BBS9: variants seen among roughly 807,000 people sequenced by gnomAD.
BBS9 encodes the protein Bardet-Biedl syndrome 9.
BBS9 carries 89 observed loss-of-function variants against 117.7 expected under a neutral mutation model. The observed-to-expected ratio is 0.76, with a 90% CI of 0.64 to 0.90. BBS9 has a LOEUF of 0.90. Ranked by LOEUF, BBS9 falls within the 40% of genes least tolerant of loss-of-function variation. The probability of loss-of-function intolerance (pLI) is 0.00; values close to 1 mark genes in which losing one functional copy is unlikely to be tolerated. For missense variants in BBS9, 982 were observed against 1,042.2 expected, an observed-to-expected ratio of 0.94 and a Z score of 0.80; for synonymous variants, 379 against 370.9, an observed-to-expected ratio of 1.02 and a Z score of -0.25.
At chr7:33,303,579 C>T (rs1429969903) in intron 9 of BBS9, among the ~76,000 whole-genome samples, 6 of 133,808 alleles carry the variant, frequency 4.5e-5, no homozygotes, top group East Asian at 2.3e-4. Context: ...ACTGTACTGC[C>T]GTGATCTCGG....
chr7:33,381,435 C>T (rs12672496), intron 17 of BBS9, among the ~76,000 whole-genome samples: 4,308 of 152,132 alleles, frequency 0.028, 242 homozygotes, highest in East Asian at 0.27. Context: ...CACTGAGTTA[C>T]GTAAATGAAT....
intron 19 of BBS9, among the ~76,000 whole-genome samples, chr7:33,471,061 A>G (rs1840953762): frequency 6.6e-6 from 1 of 152,220 alleles, no homozygotes; most frequent in Non-Finnish European, 1.5e-5. Flanking sequence ...ATAATCTGAC[A>G]CTTTTAGCTG....
At chr7:33,465,761 C>G (rs1260135786) in intron 19 of BBS9, among the ~76,000 whole-genome samples, 1 of 152,130 alleles carries the variant, frequency 6.6e-6, no homozygotes, top group African/African-American at 2.4e-5. Flanking sequence ...TTACTTAGAA[C>G]AGTGCATGGC....
At position 33,506,319 on chromosome 7, in the gene BBS9, C is replaced by A. The variant is rs559259046; in HGVS notation, c.2298+674C>A. The stretch of plus-strand genomic sequence containing the variant: ...GTGCTTTTATTTACAAAAGAAAATA[C>A]AAATCTCGGAAATTAGAGACCGTTG... On this transcript the variant is annotated intron_variant, in intron 20 of 22. Transcript: ENST00000242067. Among the ~76,000 whole-genome samples, 14 of 152,144 alleles carry A rather than the reference C, an allele frequency of 9.2e-5. No homozygotes were observed. The South Asian group carries it at 2.9e-3, about 32-fold the overall frequency.
chr7:33,559,549 T>C (rs989341877), intron 21 of BBS9, among the ~76,000 whole-genome samples: 6 of 152,152 alleles, frequency 3.9e-5, no homozygotes, highest in African/African-American at 1.4e-4. Flanking sequence ...GATTGTGTCT[T>C]GGGAATATGA....
At position 33,257,410 on chromosome 7, in the gene BBS9, A is replaced by C. The variant is rs751710938; in HGVS notation, c.617A>C (p.Lys206Thr). Residue 206 changes from lysine (K) to threonine (T), a missense_variant and splice_region_variant, in exon 6 of 23, where the codon AAG becomes ACG. Transcript: ENST00000242067. ...VSSCQQVESY[K>T]YQVLAFATDA... is the part of the protein sequence containing the mutation. ...TCCTGCCAACAAGTGGAAAGTTATA[A>C]GTAAGTTTGGATGTTAAGTCTTCAG... 6.8e-6 allele frequency: 11 copies of C among 1,613,648 alleles called. No homozygotes were observed. The highest frequency in any genetic ancestry group is 9.3e-6 in the Non-Finnish European group (11 of 1,179,676).
chr7:33,605,390 T>A lies in BBS9; in HGVS notation c.*164T>A. On this transcript the variant is annotated 3_prime_UTR_variant, in exon 23 of 23. Transcript: ENST00000242067. Reference sequence around the variant, plus strand: ...GAGGGGTTGGGACTTTTTACTTCACTAGGAGAACTTGTAACACCATGGGGA... The same window carrying A: ...GAGGGGTTGGGACTTTTTACTTCACAAGGAGAACTTGTAACACCATGGGGA... 1.4e-6 allele frequency: 1 copy of A among 730,720 alleles called. No individual in the cohort carries two copies. The highest frequency in any genetic ancestry group is 2.4e-6 in the Non-Finnish European group (1 of 408,380). 45.3% of individuals were successfully genotyped at this position (730,720 alleles called of 1,614,324 possible).
chr7:33,172,768 T>C (rs1230455061), intron 4 of BBS9, among the ~76,000 whole-genome samples: 1 of 152,202 alleles, frequency 6.6e-6, no homozygotes, highest in East Asian at 1.9e-4. Context: ...CAACAAAAAA[T>C]TATATTCCAT....
At chr7:33,145,261 C>A (rs187980663) in intron 1 of BBS9, among the ~76,000 whole-genome samples, 15 of 152,252 alleles carry the variant, frequency 9.9e-5, no homozygotes, top group African/African-American at 3.6e-4. Context: ...TGAAGGAAAA[C>A]CTCATTTATG....
intron 5 of BBS9, among the ~76,000 whole-genome samples, chr7:33,196,011 A>G (rs1487532254): frequency 6.6e-6 from 1 of 152,170 alleles, no homozygotes; most frequent in Admixed American, 6.5e-5. Flanking sequence ...GATTTTTATC[A>G]ATAATATATA....
chr7:33,173,571 T>TA (rs3083580), intron 4 of BBS9, among the ~76,000 whole-genome samples: 1,771 of 120,184 alleles, frequency 0.015, 15 homozygotes, highest in African/African-American at 0.031. Flanking sequence ...GACTCCATCC[T>TA]AAAAAAAAAA....
rs557589158 is a variant in BBS9 at position 33,484,831 on chromosome 7, G to T, written c.2116-20632G>T. Among the ~76,000 whole-genome samples, 4 of 152,240 alleles carry T rather than the reference G, an allele frequency of 2.6e-5. No homozygotes were observed. The East Asian group carries it at 7.7e-4, about 29-fold the overall frequency. On this transcript the variant is annotated intron_variant, in intron 19 of 22. Transcript: ENST00000242067. ...GGAATATAACTCCTTCTGTTATAAAGATACAAGCATACATATATTCATTGC... is the reference window on the plus strand; with the variant it reads ...GGAATATAACTCCTTCTGTTATAAATATACAAGCATACATATATTCATTGC...
chr7:33,525,761 ATTG>A (rs1442611502), intron 20 of BBS9, among the ~76,000 whole-genome samples: 3 of 124,254 alleles, frequency 2.4e-5, no homozygotes, highest in Non-Finnish European at 5.0e-5. Flanking sequence ...TAAAGTTAAT[ATTG>A]TTATGTGTGA....
intron 3 of BBS9, 99 bp downstream of exon 3, chr7:33,152,950 A>G (rs534533649): frequency 1.5e-6 from 2 of 1,362,782 alleles, no homozygotes; most frequent in Admixed American, 3.5e-5. Flanking sequence ...CCATGAATTA[A>G]ATATATTTTC....
intron 21 of BBS9, among the ~76,000 whole-genome samples, chr7:33,570,922 G>A (rs907630127): frequency 2.6e-5 from 4 of 152,294 alleles, no homozygotes; most frequent in Non-Finnish European, 4.4e-5. Context: ...CAGACTGGAG[G>A]AAACTAAGGA....
intron 21 of BBS9, among the ~76,000 whole-genome samples, chr7:33,535,979 G>A (rs974331228): frequency 1.3e-5 from 2 of 151,774 alleles, no homozygotes; most frequent in African/African-American, 4.8e-5. Flanking sequence ...AACTAGATTT[G>A]TAAGTAACCT....
At chr7:33,427,905 A>T (rs1833875575) in intron 19 of BBS9, among the ~76,000 whole-genome samples, 1 of 152,106 alleles carries the variant, frequency 6.6e-6, no homozygotes. Context: ...TCCTTATTTT[A>T]TGCATGAGGA....
chr7:33,573,306 C>T (rs1459458926), intron 21 of BBS9, among the ~76,000 whole-genome samples: 2 of 152,050 alleles, frequency 1.3e-5, no homozygotes, highest in Non-Finnish European at 2.9e-5. Context: ...CTTCTTGATT[C>T]TTCAGTGGAC....
At chr7:33,152,287 A>G (rs896017399) in intron 2 of BBS9, among the ~76,000 whole-genome samples, 2 of 152,014 alleles carry the variant, frequency 1.3e-5, no homozygotes, top group African/African-American at 4.8e-5. Flanking sequence ...AAGGCACTCT[A>G]TCTAGTGACG....
Sources: allele counts gnomAD v4.1 joint callset (sites outside exome capture counted in the v4.1 genomes callset), GRCh38; gene constraint gnomAD v4.1.1; transcripts MANE v1.5; gene names NCBI Gene and HGNC (gene_info 2026-07-23, HGNC 2026-07-21).